The following CAMK2B variants were observed in gnomAD, a reference collection of about 807,000 sequenced individuals.
CAMK2B encodes the protein calcium/calmodulin-dependent protein kinase type II subunit beta.
A neutral mutation model predicts 93.7 loss-of-function variants in CAMK2B; 27 were observed. The observed-to-expected ratio is 0.29, with a 90% confidence interval of 0.21 to 0.40. The LOEUF (loss-of-function observed/expected upper bound fraction) is 0.40, where lower values mean the gene tolerates loss of function less well. CAMK2B is among the 10% of genes least tolerant of loss of function. The pLI, the probability that CAMK2B is intolerant of heterozygous loss-of-function variation, is 1.00. For missense variants in CAMK2B, 568 were observed against 895.8 expected (o/e 0.63, Z 4.67); for synonymous variants, 374 against 358.8 (o/e 1.04, Z -0.48).
intron 1 of CAMK2B, among the ~76,000 whole-genome samples, chr7:44,304,586 G>C (rs941055013): frequency 5.9e-5 from 9 of 152,216 alleles, no homozygotes; most frequent in Non-Finnish European, 1.3e-4. Flanking sequence ...GTGACTGGCA[G>C]GGGTTGGGTG....
chr7:44,233,229 G>A (rs1045907005), intron 15 of CAMK2B, among the ~76,000 whole-genome samples: 10 of 152,116 alleles, frequency 6.6e-5, no homozygotes, highest in Non-Finnish European at 1.2e-4. Context: ...GCCTGAACCT[G>A]TGCCCCAGCG....
chr7:44,278,114 G>A (rs1584517591), intron 2 of CAMK2B, among the ~76,000 whole-genome samples: 2 of 152,334 alleles, frequency 1.3e-5, no homozygotes, highest in East Asian at 3.9e-4. Context: ...ATGGGGCCTG[G>A]GGAGTTCCAG....
intron 1 of CAMK2B, among the ~76,000 whole-genome samples, chr7:44,296,572 C>T (rs1030217753): frequency 2.0e-5 from 3 of 152,062 alleles, no homozygotes; most frequent in Non-Finnish European, 2.9e-5. Flanking sequence ...CACCAAACCA[C>T]AAATCCAGGA....
intron 5 of CAMK2B, among the ~76,000 whole-genome samples, chr7:44,247,802 C>A (rs1229173218): frequency 6.6e-6 from 1 of 152,170 alleles, no homozygotes; most frequent in African/African-American, 2.4e-5. Flanking sequence ...CCAAGGTGGG[C>A]GGATCACCTG....
At chr7:44,279,021 G>A (rs902705456) in intron 2 of CAMK2B, among the ~76,000 whole-genome samples, 13 of 152,216 alleles carry the variant, frequency 8.5e-5, no homozygotes, top group African/African-American at 2.4e-4. Flanking sequence ...GTGCAGGGCC[G>A]TGTGACCCAA....
chr7:44,277,998 G>A (rs937090062), intron 2 of CAMK2B, among the ~76,000 whole-genome samples: 2 of 152,340 alleles, frequency 1.3e-5, no homozygotes, highest in Middle Eastern at 3.4e-3. Flanking sequence ...GCTCTCCCAC[G>A]TTTTCACAGG....
At chr7:44,268,169 G>C (rs184102767) in intron 2 of CAMK2B, 2 of 152,332 alleles carry the variant, frequency 1.3e-5, no homozygotes, top group African/African-American at 4.8e-5. Context: ...CCAGGACGCC[G>C]AAGACGCCCT....
intron 1 of CAMK2B, among the ~76,000 whole-genome samples, chr7:44,303,521 C>T (rs1326438089): frequency 6.6e-6 from 1 of 152,144 alleles, no homozygotes; most frequent in African/African-American, 2.4e-5. Context: ...GCCTTTTCAA[C>T]AATGGTGCCA....
rs183025979 is a variant in CAMK2B, at chr7:44,226,293, C to T, written c.1597+223G>A. 2.9e-3 allele frequency among the ~76,000 whole-genome samples: 439 copies of T among 152,300 alleles called. 1 individual carries two copies. Among genetic ancestry groups the T allele is most frequent in the African/African-American group, 9.8e-3 (407 of 41,558 alleles). The stretch of plus-strand genomic sequence containing the variant: ...CAAACCTGCTCTTTCGGACGCTCTT[C>T]CTATACACATATGTCATACACACTT... On this transcript the variant is annotated intron_variant, in intron 20 of 23. Transcript: ENST00000395749.
intron 20 of CAMK2B, among the ~76,000 whole-genome samples, chr7:44,223,188 G>A (rs1235935404): frequency 6.6e-6 from 1 of 152,234 alleles, no homozygotes; most frequent in Non-Finnish European, 1.5e-5. Context: ...CGTGTCGTGT[G>A]TGCCTGTGTT....
intron 1 of CAMK2B, among the ~76,000 whole-genome samples, chr7:44,324,376 C>A (rs924093263): frequency 2.6e-5 from 4 of 151,246 alleles, no homozygotes; most frequent in Non-Finnish European, 5.9e-5. Context: ...CTGAAGCTAG[C>A]CCTAGGGATG....
chr7:44,278,574 G>A (rs140395138), intron 2 of CAMK2B, among the ~76,000 whole-genome samples: 1 of 152,174 alleles, frequency 6.6e-6, no homozygotes, highest in African/African-American at 2.4e-5. Context: ...GGGGGAGGCA[G>A]CCCAGGGCAG....
At position 44,228,802 on chromosome 7, in the gene CAMK2B, A is replaced by T. The variant is rs751148662; in HGVS notation, c.1462T>A (p.Ser488Thr). The change falls in exon 19 of 24, where the codon TCC becomes ACC. Residue 488 changes from serine to threonine, a missense_variant. Physicochemically the swap from Ser to Thr is moderately conservative, Grantham distance 58 (BLOSUM62 1). Transcript: ENST00000395749. ...LSPALLGPLS[S>T]PSPRISDILN... is the part of the protein sequence containing the mutation. The stretch of plus-strand genomic sequence containing the variant: ...CCTGGGGGCCACTACTTACACGGGG[A>T]GGACAGGGGGCCTAGGAGAGCCGGA... 5 of 1,489,316 alleles carry T rather than the reference A, an allele frequency of 3.4e-6. No individual in the cohort carries two copies. Among genetic ancestry groups the T allele is most frequent in the Admixed American group, 2.6e-5 (1 of 38,668 alleles). 92.3% of individuals were successfully genotyped at this position (1,489,316 alleles called of 1,614,324 possible).
At chr7:44,241,580 T>A in intron 11 of CAMK2B, 120 bp downstream of exon 11, 2 of 735,542 alleles carry the variant, frequency 2.7e-6, no homozygotes, top group Non-Finnish European at 4.7e-6. Flanking sequence ...TTGCTAACAG[T>A]CAGTCTTGGG....
chr7:44,233,304 C>T (rs893471140), intron 15 of CAMK2B, among the ~76,000 whole-genome samples: 3 of 152,144 alleles, frequency 2.0e-5, no homozygotes, highest in South Asian at 2.1e-4. Context: ...GGACAGGGTC[C>T]GAGATGGGGC....
chr7:44,297,423 G>A (rs911560612), intron 1 of CAMK2B, among the ~76,000 whole-genome samples: 2 of 151,966 alleles, frequency 1.3e-5, no homozygotes. Flanking sequence ...GTGGAAGACA[G>A]AAAAAGAAAC....
intron 1 of CAMK2B, among the ~76,000 whole-genome samples, chr7:44,298,909 G>T (rs987723835): frequency 6.6e-5 from 10 of 152,128 alleles, no homozygotes; most frequent in Admixed American, 4.6e-4. Context: ...GTTGGTGAGG[G>T]TGTAGAGGAC....
chr7:44,226,616 A>G lies in CAMK2B; in HGVS notation c.1497T>C (p.Ser499=). 1 of 1,528,140 alleles carries G rather than the reference A, an allele frequency of 6.5e-7. No individual in the cohort carries two copies. The highest frequency in any genetic ancestry group is 1.5e-5 in the African/African-American group (1 of 68,948). 94.7% of individuals were successfully genotyped at this position (1,528,140 alleles called of 1,614,324 possible). ...CTGGGGTCCCTGAGCCCCTCCTCAC[A>G]GAGTTCAGGATGTCAGAGATCCTGG... is the stretch of plus-strand genomic sequence containing the variant. ...PSPRISDILN[S]VRRGSGTPEA... The change falls in exon 20 of 24, where the codon TCT becomes TCC. Residue 499 remains serine (S), a synonymous_variant. Coordinates refer to ENST00000395749, the MANE Select transcript of CAMK2B (RefSeq NM_001220.5).
intron 1 of CAMK2B, among the ~76,000 whole-genome samples, chr7:44,288,898 G>A (rs2129130262): frequency 1.3e-5 from 2 of 152,242 alleles, no homozygotes; most frequent in East Asian, 3.9e-4. Flanking sequence ...GGTGCTGAGT[G>A]TACCTCCCCT....
Sources: gnomAD v4.1 joint callset for allele counts (sites outside exome capture counted in the v4.1 genomes callset) on GRCh38, gnomAD v4.1.1 for gene constraint, MANE v1.5 for transcripts, NCBI Gene and HGNC (gene_info 2026-07-23, HGNC 2026-07-21) for gene names.